Variants in GPM6A observed in about 807,000 individuals in gnomAD.
GPM6A encodes glycoprotein M6A.
In GPM6A, 7 loss-of-function variants were observed where a neutral mutation model predicts 32.1. The observed-to-expected ratio is 0.22, with a 90% CI of 0.12 to 0.41. The LOEUF is 0.41. Ranked by LOEUF, GPM6A falls within the 10% of genes least tolerant of loss-of-function variation. The probability of loss-of-function intolerance (pLI) is 1.00; values close to 1 mark genes in which losing one functional copy is unlikely to be tolerated. For synonymous variants in GPM6A, 130 were observed against 123.4 expected (o/e 1.05, Z -0.35); for missense variants, 235 against 347.2 (o/e 0.68, Z 2.57).
intron 1 of GPM6A, among the ~76,000 whole-genome samples, chr4:175,878,712 C>T (rs1560976364): frequency 6.6e-6 from 1 of 152,072 alleles, no homozygotes; most frequent in East Asian, 1.9e-4. Flanking sequence ...GGAGCATTTT[C>T]CCCATGGTCT....
At chr4:175,671,708 C>A (rs1292492250) in intron 3 of GPM6A, among the ~76,000 whole-genome samples, 1 of 152,104 alleles carries the variant, frequency 6.6e-6, no homozygotes, top group East Asian at 1.9e-4. Flanking sequence ...AGTCGTGGAG[C>A]TAGCCCCCTT....
At position 175,831,722 on chromosome 4, in the gene GPM6A, T is replaced by TTTTC. The variant is rs1231816561; in HGVS notation, c.-22-19474_-22-19473insGAAA. Among the ~76,000 whole-genome samples the TTTTC allele has an allele frequency of 2.9e-5, 4 of 135,702 alleles. No individual in the cohort carries two copies. The East Asian group carries it at 9.1e-4, about 31-fold the overall frequency. 89.0% of individuals were successfully genotyped at this position (135,702 alleles called of 152,430 possible). ...AGGCCCATTTAGCCATCTCTTTTTT[T>TTTTC]TTTTTTTTTTTTTTTTGACGGAGGT... On this transcript the variant is annotated intron_variant, in intron 1 of 7. Transcript: ENST00000280187.
intron 1 of GPM6A, among the ~76,000 whole-genome samples, chr4:175,951,898 G>A (rs1739826320): frequency 6.6e-6 from 1 of 152,104 alleles, no homozygotes; most frequent in Non-Finnish European, 1.5e-5. Flanking sequence ...CAGCTTCTCT[G>A]AACAAGAGGG....
At chr4:175,895,398 C>CA (rs759578465) in intron 1 of GPM6A, among the ~76,000 whole-genome samples, 39 of 151,364 alleles carry the variant, frequency 2.6e-4, no homozygotes, top group African/African-American at 7.7e-4. Flanking sequence ...CCTATCTTTT[C>CA]AAAAAAAATG....
chr4:175,778,139 G>A (rs905957818), intron 1 of GPM6A, among the ~76,000 whole-genome samples: 24 of 152,218 alleles, frequency 1.6e-4, no homozygotes, highest in South Asian at 4.1e-4. Flanking sequence ...AGACCACTAG[G>A]TTGGGCCCAC....
intron 1 of GPM6A, among the ~76,000 whole-genome samples, chr4:175,799,186 T>C (rs1182621235): frequency 6.6e-6 from 1 of 152,202 alleles, no homozygotes; most frequent in Non-Finnish European, 1.5e-5. Flanking sequence ...GCACTCACAA[T>C]CTCCCTTTGC....
At chr4:175,814,581 A>G (rs2111337714), upstream of GPM6A, among the ~76,000 whole-genome samples, 1 of 152,358 alleles carries the variant, frequency 6.6e-6, no homozygotes, top group Admixed American at 6.5e-5. Context: ...ATTTTGCAGC[A>G]GAATACACTC....
rs912329526 is a variant in GPM6A at position 175,717,077 on chromosome 4, C to T, written c.38-15310G>A. ...TTACCATTATACTTTCCACACACTC[C>T]TTCTACTCTAGGATGCTGTGTGTGA... On this transcript the variant is annotated intron_variant, in intron 1 of 6. Coordinates refer to ENST00000393658, the MANE Select transcript of GPM6A (RefSeq NM_201591.3). Among the ~76,000 whole-genome samples the T allele has an allele frequency of 2.6e-5, 4 of 152,114 alleles. No individual in the cohort carries two copies. The South Asian group carries it at 8.3e-4, about 31-fold the overall frequency.
At chr4:175,812,268 C>A (rs2111332107), upstream of GPM6A, 2 of 1,234,292 alleles carry the variant, frequency 1.6e-6, no homozygotes, top group South Asian at 1.5e-5. Flanking sequence ...CGGAATTAAT[C>A]AAAAGCTCAA....
chr4:175,981,111 G>A (rs1339437894), intron 1 of GPM6A, among the ~76,000 whole-genome samples: 1 of 152,014 alleles, frequency 6.6e-6, no homozygotes. Flanking sequence ...GGTAATTATT[G>A]TTAATCTTTT....
intron 1 of GPM6A, among the ~76,000 whole-genome samples, chr4:175,801,694 C>T (rs1004048488): frequency 4.6e-5 from 7 of 152,116 alleles, no homozygotes; most frequent in Middle Eastern, 3.4e-3. Context: ...GGGACACAGG[C>T]ATGGGTAATA....
chr4:175,721,040 T>TTA (rs1553981496), intron 1 of GPM6A, among the ~76,000 whole-genome samples: 21 of 44,724 alleles, frequency 4.7e-4, no homozygotes, highest in South Asian at 2.5e-3. Context: ...TACATATATA[T>TTA]TATATATATA....
At chr4:175,761,555 A>G (rs1321669570) in intron 1 of GPM6A, among the ~76,000 whole-genome samples, 6 of 152,146 alleles carry the variant, frequency 3.9e-5, no homozygotes, top group Admixed American at 3.3e-4. Flanking sequence ...TATTTAATCT[A>G]TTTTGCCGCA....
At chr4:175,812,320 T>TTTTTTTG (rs1734961440), upstream of GPM6A, 1 of 1,383,268 alleles carries the variant, frequency 7.2e-7, no homozygotes, top group African/African-American at 1.7e-5. Flanking sequence ...TTTTTTTTTT[T>TTTTTTTG]TTTTTTTTTT....
chr4:175,830,016 A>C (rs1735560801), intron 1 of GPM6A, among the ~76,000 whole-genome samples: 1 of 152,140 alleles, frequency 6.6e-6, no homozygotes, highest in Non-Finnish European at 1.5e-5. Flanking sequence ...CATGAAGTGG[A>C]CATCCATCCT....
At chr4:175,741,740 T>C (rs1731896406) in intron 1 of GPM6A, among the ~76,000 whole-genome samples, 1 of 152,138 alleles carries the variant, frequency 6.6e-6, no homozygotes, top group Admixed American at 6.6e-5. Flanking sequence ...TCTTCACTGC[T>C]TAGCATGGTA....
rs17661387 is a variant in GPM6A at position 175,850,493 on chromosome 4, C to T, written c.-22-38244G>A. Among the ~76,000 whole-genome samples the T allele has an allele frequency of 6.0e-3, 920 of 152,082 alleles. 9 individuals are homozygous for T. The highest frequency in any genetic ancestry group is 0.01 in the Non-Finnish European group (712 of 67,990). ...GACCACAAACAGGGGTGGGGTGAGG[C>T]AATTTGATTTTGGACTTGTTGGCTT... On this transcript the variant is annotated intron_variant, in intron 1 of 7. Coordinates refer to the GPM6A transcript ENST00000280187.
intron 1 of GPM6A, among the ~76,000 whole-genome samples, chr4:175,951,338 A>G (rs995839776): frequency 6.6e-6 from 1 of 152,224 alleles, no homozygotes; most frequent in African/African-American, 2.4e-5. Context: ...TGGATATAGA[A>G]GTGAAGATGG....
chr4:175,874,078 A>G (rs1737002875), intron 1 of GPM6A, among the ~76,000 whole-genome samples: 1 of 152,218 alleles, frequency 6.6e-6, no homozygotes, highest in East Asian at 1.9e-4. Context: ...TAAAAAGAAA[A>G]TGGTAACTTT....
Sources: gnomAD v4.1 joint callset for allele counts (sites outside exome capture counted in the v4.1 genomes callset) on GRCh38, gnomAD v4.1.1 for gene constraint, MANE v1.5 for transcripts, NCBI Gene and HGNC (gene_info 2026-07-23, HGNC 2026-07-21) for gene names.